The following SHROOM3 variants were observed in gnomAD, a reference collection of about 807,000 sequenced individuals.
SHROOM3 encodes protein Shroom3.
In SHROOM3, 47 loss-of-function variants were observed where a neutral mutation model predicts 138.6. The ratio of observed to expected loss-of-function variants is 0.34; its 90% confidence interval spans 0.27 to 0.43. The LOEUF is 0.43. SHROOM3 is among the 20% of genes least tolerant of loss of function. The pLI is 1.00. For synonymous variants in SHROOM3, 1,062 were observed against 1,063.3 expected (o/e 1.00, Z 0.02); for missense variants, 2,491 against 2,596.5 (o/e 0.96, Z 0.88).
intron 2 of SHROOM3, among the ~76,000 whole-genome samples, chr4:76,607,231 C>G (rs1236911966): frequency 6.6e-6 from 1 of 152,004 alleles, no homozygotes; most frequent in Non-Finnish European, 1.5e-5. Context: ...TTTTGTGGTC[C>G]TTCTGGGTCT....
intron 4 of SHROOM3, among the ~76,000 whole-genome samples, 196 bp from the exon 5 acceptor site, chr4:76,738,565 G>C (rs1430016162): frequency 2.6e-5 from 4 of 152,212 alleles, no homozygotes; most frequent in Admixed American, 6.5e-5. Flanking sequence ...GAGGCAGATA[G>C]GTTAGAGTGT....
intron 1 of SHROOM3, among the ~76,000 whole-genome samples, chr4:76,555,202 C>T (rs534460415): frequency 6.6e-6 from 1 of 152,296 alleles, no homozygotes; most frequent in African/African-American, 2.4e-5. Context: ...GAAAAATTGT[C>T]TTCCACAAAA....
intron 1 of SHROOM3, among the ~76,000 whole-genome samples, chr4:76,524,567 CAG>C (rs1732640336): frequency 6.6e-6 from 1 of 152,210 alleles, no homozygotes. Flanking sequence ...ATTAACAAAA[CAG>C]GGTTTCTCCC....
intron 3 of SHROOM3, among the ~76,000 whole-genome samples, chr4:76,714,486 A>G (rs1261267051): frequency 2.0e-5 from 3 of 152,210 alleles, no homozygotes; most frequent in Non-Finnish European, 2.9e-5. Context: ...TAAGGGTTAC[A>G]TGATGTCAAT....
chr4:76,751,153 T>TAAC (rs1222390877), intron 6 of SHROOM3, among the ~76,000 whole-genome samples: 1 of 152,182 alleles, frequency 6.6e-6, no homozygotes, highest in African/African-American at 2.4e-5. Flanking sequence ...CAAAAAAGTA[T>TAAC]AACACTCTTT....
intron 1 of SHROOM3, among the ~76,000 whole-genome samples, chr4:76,508,092 A>G (rs1209781386): frequency 6.6e-6 from 1 of 151,900 alleles, no homozygotes; most frequent in Admixed American, 6.6e-5. Flanking sequence ...TTTTTCTTTT[A>G]TTACTTGTGC....
Position 76,755,152 on chromosome 4 carries a change from G to A in SHROOM3, c.4669G>A (p.Ala1557Thr). 5.0e-6 allele frequency: 8 copies of A among 1,613,754 alleles called. No homozygotes were observed. Among genetic ancestry groups the A allele is most frequent in the Non-Finnish European group, 6.8e-6 (8 of 1,179,908 alleles). Reference sequence around the variant, plus strand: ...ACCTCCTCCCCACACTGTATGTGAGGCGCAGCTGGACAGTGAGGATCCCGA... The same window carrying A: ...ACCTCCTCCCCACACTGTATGTGAGACGCAGCTGGACAGTGAGGATCCCGA... Reference protein sequence around the residue: ...PPPPPHTVCEAQLDSEDPEGP... With the variant: ...PPPPPHTVCETQLDSEDPEGP... Residue 1557 changes from alanine (A) to threonine (T), a missense_variant, in exon 7 of 11, where the codon GCG becomes ACG. Coordinates refer to ENST00000296043, the MANE Select transcript of SHROOM3 (RefSeq NM_020859.4).
intron 1 of SHROOM3, chr4:76,532,397 A>G (rs1732850971): frequency 1.3e-5 from 2 of 152,230 alleles, no homozygotes; most frequent in Admixed American, 6.5e-5. Context: ...TCGGTTCCCT[A>G]TTCCACTGAA....
intron 3 of SHROOM3, among the ~76,000 whole-genome samples, chr4:76,718,631 A>G (rs1720450260): frequency 6.6e-6 from 1 of 152,200 alleles, no homozygotes; most frequent in Non-Finnish European, 1.5e-5. Flanking sequence ...AGAGGAAGAC[A>G]GTGAAATAGA....
intron 2 of SHROOM3, among the ~76,000 whole-genome samples, chr4:76,668,464 T>C (rs750438235): frequency 9.2e-5 from 14 of 151,990 alleles, no homozygotes; most frequent in Non-Finnish European, 1.9e-4. Context: ...TCCTAGCTAC[T>C]CAGGAGGCTG....
chr4:76,655,910 A>G (rs1736056320), intron 2 of SHROOM3, among the ~76,000 whole-genome samples: 1 of 152,188 alleles, frequency 6.6e-6, no homozygotes, highest in South Asian at 2.1e-4. Context: ...ACCCAGTTAC[A>G]TAGCTGCTTA....
intron 2 of SHROOM3, among the ~76,000 whole-genome samples, chr4:76,636,055 A>G (rs1347312442): frequency 6.6e-6 from 1 of 152,226 alleles, no homozygotes; most frequent in Admixed American, 6.5e-5. Context: ...TACCAAGTCC[A>G]GTTCTCCAAG....
chr4:76,556,864 C>T (rs1475477959), intron 2 of SHROOM3, among the ~76,000 whole-genome samples: 2 of 152,188 alleles, frequency 1.3e-5, no homozygotes, highest in Non-Finnish European at 2.9e-5. Flanking sequence ...CCACAAAAAA[C>T]ACAGCGATGA....
At chr4:76,648,864 A>G (rs1266442985) in intron 2 of SHROOM3, among the ~76,000 whole-genome samples, 1 of 152,214 alleles carries the variant, frequency 6.6e-6, no homozygotes, top group Non-Finnish European at 1.5e-5. Context: ...CATTTTCTAA[A>G]AAGCATATGA....
Position 76,669,678 on chromosome 4 carries a change from A to T in SHROOM3, c.324-40478A>T, listed in dbSNP as rs1032217182. 8.1e-5 allele frequency among the ~76,000 whole-genome samples: 12 copies of T among 148,970 alleles called. No individual in the cohort carries two copies. In the East Asian group the frequency reaches 9.7e-4, roughly 12 times the overall value. ...TAAATAAACTTTTTGCTTAAAATTTAAAAAAAAAATAATAATTGTTGTGCA... is the reference window on the plus strand; with the variant it reads ...TAAATAAACTTTTTGCTTAAAATTTTAAAAAAAAATAATAATTGTTGTGCA... On this transcript the variant is annotated intron_variant, in intron 2 of 10. Transcript: ENST00000296043.
At chr4:76,537,908 T>C (rs1305543087) in intron 1 of SHROOM3, among the ~76,000 whole-genome samples, 1 of 152,150 alleles carries the variant, frequency 6.6e-6, no homozygotes, top group Non-Finnish European at 1.5e-5. Flanking sequence ...ATTGTACATT[T>C]TATCTTATTT....
At chr4:76,440,530 A>G (rs927726101) in intron 1 of SHROOM3, among the ~76,000 whole-genome samples, 2 of 152,224 alleles carry the variant, frequency 1.3e-5, no homozygotes, top group African/African-American at 2.4e-5. Context: ...GTCCAATAAG[A>G]TTCCATAAAA....
chr4:76,633,582 G>A (rs548823240), intron 2 of SHROOM3, among the ~76,000 whole-genome samples: 125 of 149,948 alleles, frequency 8.3e-4, no homozygotes, highest in African/African-American at 1.3e-3. Flanking sequence ...GCGTGAACCC[G>A]GGAGGCGGAG....
intron 3 of SHROOM3, among the ~76,000 whole-genome samples, chr4:76,714,427 T>A (rs924648460): frequency 2.6e-5 from 4 of 152,224 alleles, no homozygotes; most frequent in African/African-American, 7.2e-5. Context: ...ATTGAGGTGA[T>A]GGCTTTTGAC....
Sources: allele counts gnomAD v4.1 joint callset (sites outside exome capture counted in the v4.1 genomes callset), GRCh38; gene constraint gnomAD v4.1.1; transcripts MANE v1.5; gene names NCBI Gene and HGNC (gene_info 2026-07-23, HGNC 2026-07-21).